TECRL: variants seen among roughly 807,000 people sequenced by gnomAD.
TECRL encodes the protein trans-2,3-enoyl-CoA reductase-like.
TECRL carries 63 observed loss-of-function variants against 52.8 expected under a neutral mutation model. That is an observed-to-expected ratio of 1.19 (90% CI 0.97 to 1.47). The LOEUF (loss-of-function observed/expected upper bound fraction) is 1.47, where lower values mean the gene tolerates loss of function less well. TECRL is among the 40% of genes most tolerant of loss of function. TECRL has a pLI of 0.00. For missense variants in TECRL, 482 were observed against 429.6 expected (o/e 1.12, Z -1.08); for synonymous variants, 164 against 141.9 (o/e 1.16, Z -1.10).
At chr4:64,295,726 A>G (rs981750536) in intron 8 of TECRL, among the ~76,000 whole-genome samples, 13 of 151,906 alleles carry the variant, frequency 8.6e-5, no homozygotes, top group African/African-American at 1.9e-4. Context: ...TAGTTTTATA[A>G]TCACTGCTGA....
intron 7 of TECRL, among the ~76,000 whole-genome samples, chr4:64,302,068 CAT>C (rs1251574564): frequency 6.6e-6 from 1 of 151,148 alleles, no homozygotes; most frequent in Non-Finnish European, 1.5e-5. Context: ...GATTTTTGAA[CAT>C]ATACATTCTG....
chr4:64,300,120 T>C, intron 7 of TECRL, 103 bp from the exon 8 acceptor site: 3 of 782,136 alleles, frequency 3.8e-6, no homozygotes, highest in Non-Finnish European at 5.9e-6. Context: ...AATTCTATAA[T>C]CAATAGAACT....
chr4:64,374,616 G>A (rs1722256953), intron 2 of TECRL, among the ~76,000 whole-genome samples: 2 of 151,356 alleles, frequency 1.3e-5, no homozygotes, highest in South Asian at 2.1e-4. Flanking sequence ...CTGTGTCCAT[G>A]TGTTCTCATT....
intron 1 of TECRL, among the ~76,000 whole-genome samples, chr4:64,388,413 T>C (rs192304214): frequency 1.3e-3 from 197 of 152,028 alleles, no homozygotes; most frequent in African/African-American, 4.5e-3. Flanking sequence ...TCACATTTTC[T>C]TGCTTGCTAT....
rs186547692 is a variant in TECRL at position 64,289,045 on chromosome 4, G to A, written c.832+665C>T. Among the ~76,000 whole-genome samples the A allele has an allele frequency of 2.5e-3, 377 of 152,254 alleles. 2 individuals are homozygous for A. The highest frequency in any genetic ancestry group is 8.4e-3 in the African/African-American group (349 of 41,554). ...GCAGGGGGTAGAAAATGCTTTTCAAGAGTTTGTTGAATTCTGAAGCATGGA... is the reference window on the plus strand; with the variant it reads ...GCAGGGGGTAGAAAATGCTTTTCAAAAGTTTGTTGAATTCTGAAGCATGGA... On this transcript the variant is annotated intron_variant, in intron 9 of 11. Coordinates refer to ENST00000381210, the MANE Select transcript of TECRL (RefSeq NM_001010874.5).
chr4:64,344,036 T>G (rs1439172086), intron 2 of TECRL, among the ~76,000 whole-genome samples: 1 of 151,944 alleles, frequency 6.6e-6, no homozygotes, highest in Non-Finnish European at 1.5e-5. Flanking sequence ...TGTATAAATA[T>G]CTGTGAAATG....
chr4:64,283,657 G>A (rs183373124), intron 9 of TECRL, among the ~76,000 whole-genome samples: 57 of 152,138 alleles, frequency 3.7e-4, no homozygotes, highest in African/African-American at 1.1e-3. Flanking sequence ...AAAGAGGCTC[G>A]AAGAGGGCAG....
At chr4:64,375,881 A>G (rs1722363558) in intron 1 of TECRL, among the ~76,000 whole-genome samples, 1 of 151,946 alleles carries the variant, frequency 6.6e-6, no homozygotes, top group African/African-American at 2.4e-5. Context: ...ATTGAGGACT[A>G]AAGTTCCATG....
At chr4:64,286,737 A>G (rs1013573212) in intron 9 of TECRL, among the ~76,000 whole-genome samples, 3 of 152,168 alleles carry the variant, frequency 2.0e-5, no homozygotes, top group Admixed American at 2.0e-4. Context: ...AGAGCAATAT[A>G]CAAAGCAAGA....
intron 9 of TECRL, among the ~76,000 whole-genome samples, chr4:64,284,276 G>A (rs1722974854): frequency 1.3e-5 from 2 of 152,004 alleles, no homozygotes; most frequent in Non-Finnish European, 2.9e-5. Flanking sequence ...AATTTCCATG[G>A]CAGGCTGGGA....
intron 1 of TECRL, among the ~76,000 whole-genome samples, chr4:64,399,204 G>A (rs1217560391): frequency 6.6e-6 from 1 of 152,000 alleles, no homozygotes; most frequent in Non-Finnish European, 1.5e-5. Context: ...TCTCTCCCTG[G>A]GACACCTCTG....
intron 6 of TECRL, among the ~76,000 whole-genome samples, chr4:64,305,676 C>T (rs578188141): frequency 1.3e-5 from 2 of 152,296 alleles, no homozygotes; most frequent in Non-Finnish European, 2.9e-5. Context: ...CATTATAATG[C>T]TATTAGCATT....
At chr4:64,281,769 A>G (rs1722841325) in intron 9 of TECRL, among the ~76,000 whole-genome samples, 2 of 151,962 alleles carry the variant, frequency 1.3e-5, no homozygotes, top group Admixed American at 1.3e-4. Context: ...TGTCATTTTC[A>G]TACCATGTCT....
downstream of TECRL, among the ~76,000 whole-genome samples, chr4:64,277,324 A>C (rs1722607606): frequency 6.6e-6 from 1 of 151,910 alleles, no homozygotes; most frequent in Non-Finnish European, 1.5e-5. Context: ...AACTATTCTT[A>C]GTCTTTCAAA....
intron 1 of TECRL, among the ~76,000 whole-genome samples, chr4:64,389,149 G>T (rs1441514605): frequency 6.6e-6 from 1 of 151,728 alleles, no homozygotes; most frequent in African/African-American, 2.4e-5. Flanking sequence ...CTTCCAGTAA[G>T]ATGCCACACA....
At position 64,314,835 on chromosome 4, in the gene TECRL, AT is replaced by A. The variant is rs1717374186; in HGVS notation, c.436-73del. On this transcript the variant is annotated intron_variant, in intron 4 of 11. Coordinates refer to ENST00000381210, the MANE Select transcript of TECRL (RefSeq NM_001010874.5). ...TTAAGGTTCATTTGTGTCTATGAGT[AT>A]TAGCCTACTGCATAAATTGGTGAAA... 2.6e-5 allele frequency: 27 copies of A among 1,051,020 alleles called. No individual in the cohort carries two copies. In the South Asian group the frequency reaches 3.6e-4, roughly 14 times the overall value. The allele number at this position is 1,051,020 out of a possible 1,614,324, so 65.1% of individuals were successfully genotyped here.
chr4:64,373,269 A>AAG lies in TECRL; in HGVS notation c.286+1902_286+1903insCT, dbSNP rs1362711221. The stretch of plus-strand genomic sequence containing the variant: ...TAATTTTGAAAAAGTGAAAAAAGTC[A>AAG]CTATTTAAGTAAAGCTGTTAAAGAT... On this transcript the variant is annotated intron_variant, in intron 2 of 11. Transcript: ENST00000381210. 2.7e-3 allele frequency among the ~76,000 whole-genome samples: 413 copies of AAG among 151,880 alleles called. 3 individuals are homozygous for AAG. The highest frequency in any genetic ancestry group is 2.3e-3 in the South Asian group (11 of 4,826).
chr4:64,304,257 T>C (rs957223088), intron 7 of TECRL, among the ~76,000 whole-genome samples: 9 of 151,784 alleles, frequency 5.9e-5, no homozygotes, highest in African/African-American at 2.2e-4. Context: ...ATATAGGAAA[T>C]TTTCACTTTC....
chr4:64,381,765 T>C (rs986344768), intron 1 of TECRL, among the ~76,000 whole-genome samples: 1 of 152,114 alleles, frequency 6.6e-6, no homozygotes, highest in African/African-American at 2.4e-5. Context: ...GGGTATTATC[T>C]TTTTGATGTG....
Sources: allele counts gnomAD v4.1 joint callset (sites outside exome capture counted in the v4.1 genomes callset), GRCh38; gene constraint gnomAD v4.1.1; transcripts MANE v1.5; gene names NCBI Gene and HGNC (gene_info 2026-07-23, HGNC 2026-07-21).